P2RY12: variants seen among roughly 807,000 people sequenced by gnomAD.
P2RY12 encodes P2Y purinoceptor 12.
A neutral mutation model predicts 4.5 loss-of-function variants in P2RY12; 3 were observed. The observed-to-expected ratio is 0.67, with a 90% CI of 0.31 to 1.74. The LOEUF (loss-of-function observed/expected upper bound fraction) is 1.74. P2RY12 is among the 40% of genes most tolerant of loss of function. The pLI, the probability that P2RY12 is intolerant of heterozygous loss-of-function variation, is 0.09. For missense variants in P2RY12, 356 were observed against 407.8 expected, an observed-to-expected ratio of 0.87 and a Z score of 1.09; for synonymous variants, 148 against 154.1, an observed-to-expected ratio of 0.96 and a Z score of 0.29.
intron 1 of P2RY12, chr3:151,350,070 A>C (rs766851639): frequency 4.5e-5 from 73 of 1,609,608 alleles, no homozygotes; most frequent in Non-Finnish European, 5.7e-5. Context: ...ATGAATCTTC[A>C]AGTCATGAAT....
At chr3:151,377,375 T>G (rs1382308271) in intron 1 of P2RY12, among the ~76,000 whole-genome samples, 1 of 152,192 alleles carries the variant, frequency 6.6e-6, no homozygotes, top group Non-Finnish European at 1.5e-5. Flanking sequence ...TGAGTAGGCT[T>G]AAACACCTTG....
intron 1 of P2RY12, chr3:151,357,380 G>T: frequency 6.4e-7 from 1 of 1,574,350 alleles, no homozygotes; most frequent in Admixed American, 1.9e-5. Flanking sequence ...TTGAAGGGTT[G>T]GTATATAGCA....
At chr3:151,358,984 G>T (rs567608278) in intron 1 of P2RY12, among the ~76,000 whole-genome samples, 1 of 152,204 alleles carries the variant, frequency 6.6e-6, no homozygotes, top group Admixed American at 6.5e-5. Flanking sequence ...TATTACAAAG[G>T]TATATTGCTT....
intron 1 of P2RY12, among the ~76,000 whole-genome samples, chr3:151,342,127 G>C (rs180781548): frequency 6.6e-6 from 1 of 152,264 alleles, no homozygotes; most frequent in Admixed American, 6.5e-5. Flanking sequence ...GGTATTTCTA[G>C]TTCTAGATCA....
intron 1 of P2RY12, among the ~76,000 whole-genome samples, chr3:151,348,729 C>T (rs1289141442): frequency 6.6e-6 from 1 of 152,088 alleles, no homozygotes. Flanking sequence ...GCAAGTGTGT[C>T]CCTGAGAAAG....
intron 1 of P2RY12, among the ~76,000 whole-genome samples, chr3:151,381,196 A>T (rs1169966814): frequency 6.6e-6 from 1 of 152,152 alleles, no homozygotes; most frequent in Admixed American, 6.5e-5. Context: ...TTCTTGTGGC[A>T]CTGTGTTTCT....
intron 1 of P2RY12, chr3:151,368,395 T>C (rs1755547276): frequency 4.4e-6 from 3 of 687,538 alleles, no homozygotes; most frequent in Non-Finnish European, 7.7e-6. Context: ...GATGATACTA[T>C]TCATTGAGAG....
rs113184555 is a variant in P2RY12, at chr3:151,365,786, T to C, written c.-180+18906A>G. Reference sequence around the variant, plus strand: ...TAGTGAAATATATGTTAATTAAGTATATCACAGGTGAGTATTTCTCTTTTG... The same window carrying C: ...TAGTGAAATATATGTTAATTAAGTACATCACAGGTGAGTATTTCTCTTTTG... On this transcript the variant is annotated intron_variant, in intron 1 of 2. Coordinates refer to ENST00000302632, the MANE Select transcript of P2RY12 (RefSeq NM_022788.5). The C allele has an allele frequency of 4.5e-5, 62 of 1,366,916 alleles. No homozygotes were observed. In the Admixed American group the frequency reaches 1.4e-3, roughly 30 times the overall value. 84.7% of individuals were successfully genotyped at this position (1,366,916 alleles called of 1,614,324 possible). A position where few individuals can be genotyped will look rare whatever the true frequency, so the allele number is the denominator to read the frequency against.
intron 1 of P2RY12, among the ~76,000 whole-genome samples, chr3:151,356,344 A>G (rs1327725859): frequency 6.6e-6 from 1 of 152,152 alleles, no homozygotes; most frequent in Non-Finnish European, 1.5e-5. Context: ...ATAAGCCATG[A>G]TCATACAACT....
At chr3:151,377,219 T>C in intron 1 of P2RY12, 1 of 1,542,588 alleles carries the variant, frequency 6.5e-7, no homozygotes, top group Admixed American at 1.9e-5. Context: ...CATGAATTTT[T>C]CACAAGTAAC....
At chr3:151,356,019 C>G in intron 1 of P2RY12, 1 of 1,612,736 alleles carries the variant, frequency 6.2e-7, no homozygotes, top group South Asian at 1.1e-5. Flanking sequence ...CATCAACGGA[C>G]TAATTGACTT....
chr3:151,377,245 GCA>G, intron 1 of P2RY12: 1 of 1,326,654 alleles, frequency 7.5e-7, no homozygotes, highest in Non-Finnish European at 1.0e-6. Context: ...ATTTTGTGTA[GCA>G]CAGTGATTTT....
At chr3:151,368,058 A>T (rs944060117) in intron 1 of P2RY12, 1 of 956,084 alleles carries the variant, frequency 1.0e-6, no homozygotes, top group Non-Finnish European at 1.5e-6. Flanking sequence ...TTATTTAAAT[A>T]ATTATTCCAG....
Position 151,338,172 on chromosome 3 carries a change from C to A in P2RY12, c.674G>T (p.Gly225Val). 6.2e-7 allele frequency: 1 copy of A among 1,614,026 alleles called. No homozygotes were observed. The highest frequency in any genetic ancestry group is 8.5e-7 in the Non-Finnish European group (1 of 1,179,956). ...CTTTTTCCTGGGGACTTTACCTACA[C>A]CCCTCGTTCTTACGTATGACCGGTA... ...ELYRSYVRTR[G>V]VGKVPRKKVN... The change falls in exon 3 of 3, where the codon GGT becomes GTT. Residue 225 changes from glycine to valine, a missense_variant. Coordinates refer to ENST00000302632, the MANE Select transcript of P2RY12 (RefSeq NM_022788.5).
intron 1 of P2RY12, among the ~76,000 whole-genome samples, chr3:151,361,236 CT>C (rs1346201824): frequency 6.6e-6 from 1 of 152,040 alleles, no homozygotes; most frequent in Admixed American, 6.6e-5. Context: ...TACTTTTCCT[CT>C]TTTTTCACAA....
intron 1 of P2RY12, chr3:151,375,901 A>T: frequency 1.9e-6 from 1 of 539,532 alleles, no homozygotes; most frequent in Non-Finnish European, 2.8e-6. Flanking sequence ...TTTTTAATGT[A>T]ATTTTTTAAA....
At chr3:151,370,822 G>A (rs908593124) in intron 1 of P2RY12, among the ~76,000 whole-genome samples, 3 of 152,176 alleles carry the variant, frequency 2.0e-5, no homozygotes, top group Admixed American at 6.5e-5. Context: ...TGACAAATAT[G>A]CTAATGGCAG....
intron 1 of P2RY12, chr3:151,380,260 C>G (rs778632143): frequency 1.5e-6 from 2 of 1,333,580 alleles, no homozygotes; most frequent in East Asian, 2.4e-5. Flanking sequence ...AGGCAAATAT[C>G]TTTCTAACGG....
chr3:151,383,675 T>A lies in P2RY12; in HGVS notation c.-180+1017A>T, dbSNP rs141612259. On this transcript the variant is annotated intron_variant, in intron 1 of 2. Transcript: ENST00000302632. ...GGTAATCTATAAACTAGAGCATCCC[T>A]TGTTTTTTTAAATAAAAAACAATCA... is the stretch of plus-strand genomic sequence containing the variant. The A allele has an allele frequency of 9.5e-4, 652 of 689,026 alleles. 5 individuals are homozygous for A. In the African/African-American group the frequency reaches 0.011, roughly 12 times the overall value. The allele number at this position is 689,026 out of a possible 1,614,324, so 42.7% of individuals were successfully genotyped here.
Sources: allele counts gnomAD v4.1 joint callset (sites outside exome capture counted in the v4.1 genomes callset), GRCh38; gene constraint gnomAD v4.1.1; transcripts MANE v1.5; gene names NCBI Gene and HGNC (gene_info 2026-07-23, HGNC 2026-07-21).